The following NKAIN3 variants were observed in gnomAD, a reference collection of about 807,000 sequenced individuals.
NKAIN3 encodes the protein sodium/potassium-transporting ATPase subunit beta-1-interacting protein 3.
A neutral mutation model predicts 30.2 loss-of-function variants in NKAIN3; 25 were observed. The observed-to-expected ratio is 0.83, with a 90% CI of 0.60 to 1.16. The LOEUF is 1.16. Ranked by LOEUF, NKAIN3 falls within the 50% of genes most tolerant of loss-of-function variation. NKAIN3 has a pLI of 0.00. For synonymous variants in NKAIN3, 91 were observed against 89.6 expected (o/e 1.02, Z -0.09); for missense variants, 225 against 254.1 (o/e 0.89, Z 0.78).
At chr8:62,316,632 T>C (rs1814642476) in intron 1 of NKAIN3, among the ~76,000 whole-genome samples, 1 of 152,206 alleles carries the variant, frequency 6.6e-6, no homozygotes, top group African/African-American at 2.4e-5. Context: ...GGCTGCATAG[T>C]ATTCCATGGT....
intron 5 of NKAIN3, among the ~76,000 whole-genome samples, chr8:62,935,817 C>A (rs888746431): frequency 7.2e-5 from 11 of 152,108 alleles, no homozygotes; most frequent in African/African-American, 2.7e-4. Flanking sequence ...ACTCAATAAT[C>A]TTCTCTCAAA....
intron 2 of NKAIN3, among the ~76,000 whole-genome samples, chr8:62,582,570 A>C (rs1165587883): frequency 6.6e-6 from 1 of 152,066 alleles, no homozygotes; most frequent in Non-Finnish European, 1.5e-5. Flanking sequence ...GACAAGTGTG[A>C]GAGTGAGTCC....
intron 3 of NKAIN3, among the ~76,000 whole-genome samples, chr8:62,657,406 C>T (rs1586057128): frequency 6.6e-6 from 1 of 152,174 alleles, no homozygotes; most frequent in African/African-American, 2.4e-5. Flanking sequence ...CATATCCTAT[C>T]ATGTGCCCTT....
chr8:62,899,471 A>G (rs1039878344), intron 4 of NKAIN3, among the ~76,000 whole-genome samples: 2 of 152,166 alleles, frequency 1.3e-5, no homozygotes, highest in African/African-American at 4.8e-5. Flanking sequence ...ACATTATTCT[A>G]AGTGAAATAA....
At chr8:62,935,672 C>T (rs1480851390) in intron 5 of NKAIN3, among the ~76,000 whole-genome samples, 1 of 152,086 alleles carries the variant, frequency 6.6e-6, no homozygotes, top group Non-Finnish European at 1.5e-5. Flanking sequence ...ACGTTAGTCA[C>T]TCACTAGATT....
intron 4 of NKAIN3, 37 bp from the exon 5 acceptor site, chr8:62,918,416 A>T (rs764676366): frequency 4.0e-6 from 6 of 1,506,998 alleles, no homozygotes; most frequent in Non-Finnish European, 5.5e-6. Flanking sequence ...GAAACTTGGC[A>T]TAGATTCTTA....
At chr8:62,299,097 A>G (rs902994212) in intron 1 of NKAIN3, among the ~76,000 whole-genome samples, 1 of 152,064 alleles carries the variant, frequency 6.6e-6, no homozygotes, top group Non-Finnish European at 1.5e-5. Context: ...TTTCATGTTA[A>G]ATAAGCCCAT....
chr8:62,846,419 C>G (rs1357240550), intron 4 of NKAIN3, among the ~76,000 whole-genome samples: 1 of 151,964 alleles, frequency 6.6e-6, no homozygotes, highest in African/African-American at 2.4e-5. Context: ...ACAGATTATT[C>G]CATCACCTAG....
chr8:62,271,846 G>C (rs968353684), intron 1 of NKAIN3, among the ~76,000 whole-genome samples: 1 of 152,158 alleles, frequency 6.6e-6, no homozygotes, highest in Non-Finnish European at 1.5e-5. Flanking sequence ...ACAACACTTA[G>C]GGAAACTCCA....
intron 1 of NKAIN3, among the ~76,000 whole-genome samples, chr8:62,469,319 A>T (rs920058461): frequency 2.6e-5 from 4 of 152,208 alleles, no homozygotes; most frequent in Admixed American, 6.5e-5. Context: ...TCCTTAAAAA[A>T]CAATGTATGA....
chr8:62,870,695 CTA>C (rs1161541293), intron 4 of NKAIN3, among the ~76,000 whole-genome samples: 94 of 53,598 alleles, frequency 1.8e-3, no homozygotes, highest in African/African-American at 7.1e-3. Flanking sequence ...ATCTCTCTAT[CTA>C]TATATCTATA....
At chr8:62,941,787 C>A (rs926747369) in intron 5 of NKAIN3, among the ~76,000 whole-genome samples, 9 of 152,102 alleles carry the variant, frequency 5.9e-5, no homozygotes, top group African/African-American at 2.2e-4. Context: ...CCATCTATGA[C>A]AAACCCACAG....
At chr8:62,464,278 A>G (rs1806087704) in intron 1 of NKAIN3, among the ~76,000 whole-genome samples, 1 of 152,174 alleles carries the variant, frequency 6.6e-6, no homozygotes, top group African/African-American at 2.4e-5. Flanking sequence ...AGTATTCTCA[A>G]ATTAAAACTC....
At chr8:62,411,345 A>C (rs1402660897) in intron 1 of NKAIN3, among the ~76,000 whole-genome samples, 3 of 152,240 alleles carry the variant, frequency 2.0e-5, no homozygotes, top group African/African-American at 7.2e-5. Context: ...GATAAAATCC[A>C]ACATCCCTTC....
intron 4 of NKAIN3, among the ~76,000 whole-genome samples, chr8:62,791,065 C>T (rs1201163323): frequency 6.6e-6 from 1 of 152,034 alleles, no homozygotes; most frequent in Non-Finnish European, 1.5e-5. Context: ...TTCAAGGTCT[C>T]TGAGTCCAAG....
At chr8:62,513,287 A>G (rs73267379) in intron 1 of NKAIN3, among the ~76,000 whole-genome samples, 3,580 of 151,528 alleles carry the variant, frequency 0.024, 140 homozygotes, top group African/African-American at 0.082. Context: ...GACTGCAACT[A>G]GATGGACTGA....
chr8:62,442,288 T>C (rs1246862689), intron 1 of NKAIN3, among the ~76,000 whole-genome samples: 1 of 152,026 alleles, frequency 6.6e-6, no homozygotes, highest in African/African-American at 2.4e-5. Flanking sequence ...TAATAGTCAT[T>C]GTCTATTCAT....
intron 1 of NKAIN3, among the ~76,000 whole-genome samples, chr8:62,427,262 G>A (rs10957222): frequency 0.11 from 16,524 of 151,918 alleles, 1,318 homozygotes; most frequent in African/African-American, 0.22. Context: ...TATTACAAGA[G>A]ACTCAAAAAC....
rs752521505 is a variant in NKAIN3, at chr8:62,965,357, G to A, written c.607G>A (p.Glu203Lys). 462 of 985,608 alleles carry A rather than the reference G, an allele frequency of 4.7e-4. No homozygotes were observed. Among genetic ancestry groups the A allele is most frequent in the Middle Eastern group, 1.0e-3 (2 of 1,914 alleles). The allele number at this position is 985,608 out of a possible 1,614,324, so 61.1% of individuals were successfully genotyped here. Residue 203 changes from glutamate (E) to lysine (K), a missense_variant, in exon 7 of 7, where the codon GAA becomes AAA. Coordinates refer to ENST00000623646, the MANE Select transcript of NKAIN3 (RefSeq NM_001304533.3). ...CAATTCGTATTTTCTGTTTTAGGTC[G>A]AAATAAGTAATGACATTGAACCAGA... Reference protein sequence around the residue: ...HVELKPVKPVEISNDIEPEMR... With the variant: ...HVELKPVKPVKISNDIEPEMR...
Sources: gnomAD v4.1 joint callset for allele counts (sites outside exome capture counted in the v4.1 genomes callset) on GRCh38, gnomAD v4.1.1 for gene constraint, MANE v1.5 for transcripts, NCBI Gene and HGNC (gene_info 2026-07-23, HGNC 2026-07-21) for gene names.